The following CCL26 variants were observed in gnomAD, a reference collection of about 807,000 sequenced individuals.
CCL26 encodes C-C motif chemokine ligand 26, also known as C-C motif chemokine 26.
In CCL26, 10 loss-of-function variants were observed where a neutral mutation model predicts 10.7. The ratio of observed to expected loss-of-function variants is 0.93; its 90% confidence interval spans 0.57 to 1.58. The LOEUF (loss-of-function observed/expected upper bound fraction) is 1.58, where lower values mean the gene tolerates loss of function less well. CCL26 is among the 40% of genes most tolerant of loss of function. The probability of loss-of-function intolerance (pLI) is 0.00; values close to 1 mark genes in which losing one functional copy is unlikely to be tolerated. For missense variants in CCL26, 116 were observed against 111.0 expected, an observed-to-expected ratio of 1.05 and a Z score of -0.20; for synonymous variants, 43 against 41.4, an observed-to-expected ratio of 1.04 and a Z score of -0.15.
rs1802833637 is a variant in CCL26 at position 75,772,017 on chromosome 7, A to G, written c.74-14T>C. On this transcript the variant is annotated splice_polypyrimidine_tract_variant and intron_variant, in intron 1 of 2. Transcript: ENST00000005180. ...TGTCACTCCCACCTAAAAATCAGGG[A>G]GAGGAAGGGTTTGGAGATACTCATT... The G allele has an allele frequency of 1.2e-6, 2 of 1,610,074 alleles. No individual in the cohort carries two copies. The highest frequency in any genetic ancestry group is 1.7e-6 in the Non-Finnish European group (2 of 1,176,308).
At chr7:75,772,404 C>G, upstream of CCL26, 1 of 546,208 alleles carries the variant, frequency 1.8e-6, no homozygotes, top group Non-Finnish European at 3.3e-6. Flanking sequence ...TGCCTGTGAT[C>G]ACAGCACTCT....
intron 1 of CCL26, among the ~76,000 whole-genome samples, chr7:75,777,921 G>A (rs937710899): frequency 1.3e-5 from 2 of 150,940 alleles, no homozygotes; most frequent in African/African-American, 4.9e-5. Flanking sequence ...TTGCCACCAT[G>A]TTTGTCCAGG....
rs567202149 is a variant in CCL26, at chr7:75,788,028, C to T, written c.-79+1689G>A. 7.2e-5 allele frequency among the ~76,000 whole-genome samples: 11 copies of T among 152,180 alleles called. No homozygotes were observed. The South Asian group carries it at 1.7e-3, about 23-fold the overall frequency. On this transcript the variant is annotated intron_variant, in intron 1 of 3. Transcript: ENST00000394905. Reference sequence around the variant, plus strand: ...TCTCTCCCACTCTAGGTTCCCATGCCGCCCCTAATCCTTCTCGAAGCAGCC... The same window carrying T: ...TCTCTCCCACTCTAGGTTCCCATGCTGCCCCTAATCCTTCTCGAAGCAGCC...
At chr7:75,786,910 A>T (rs1370714652) in intron 1 of CCL26, among the ~76,000 whole-genome samples, 1 of 152,120 alleles carries the variant, frequency 6.6e-6, no homozygotes, top group African/African-American at 2.4e-5. Context: ...TTTCCTTTCC[A>T]TCATGGAAAT....
intron 1 of CCL26, among the ~76,000 whole-genome samples, chr7:75,787,680 A>ACC (rs1476938693): frequency 2.0e-5 from 2 of 100,788 alleles, no homozygotes; most frequent in Non-Finnish European, 2.0e-5. Context: ...AAAAAGACAC[A>ACC]CCCCCCAAGC....
chr7:75,775,814 T>C (rs1802924635), upstream of CCL26, among the ~76,000 whole-genome samples: 1 of 151,072 alleles, frequency 6.6e-6, no homozygotes, highest in South Asian at 2.1e-4. Flanking sequence ...TGATGTTCTC[T>C]TCTTTAGACT....
intron 1 of CCL26, among the ~76,000 whole-genome samples, chr7:75,780,209 C>A (rs1198055483): frequency 6.6e-6 from 1 of 151,570 alleles, no homozygotes; most frequent in Non-Finnish European, 1.5e-5. Context: ...GCACCTCCCA[C>A]CCCTTCTCCA....
chr7:75,785,372 T>C (rs1179768900), intron 1 of CCL26, among the ~76,000 whole-genome samples: 1 of 152,168 alleles, frequency 6.6e-6, no homozygotes, highest in African/African-American at 2.4e-5. Flanking sequence ...TCTCACCTTA[T>C]TCAATATATT....
At position 75,784,815 on chromosome 7, in the gene CCL26, A is replaced by C. The variant is rs183059415; in HGVS notation, c.-79+4902T>G. On this transcript the variant is annotated intron_variant, in intron 1 of 3. Coordinates refer to the CCL26 transcript ENST00000394905. ...CCCTTGTATCTCCCCACCTTAAACC[A>C]CAAGTATAGGACACCTCTACTCCCC... 7.0e-3 allele frequency among the ~76,000 whole-genome samples: 1,056 copies of C among 151,690 alleles called. 10 individuals carry two copies. Among genetic ancestry groups the C allele is most frequent in the African/African-American group, 0.024 (1,007 of 41,304 alleles).
upstream of CCL26, among the ~76,000 whole-genome samples, chr7:75,776,144 T>C (rs1457566996): frequency 2.0e-5 from 3 of 147,548 alleles, no homozygotes; most frequent in Non-Finnish European, 4.5e-5. Context: ...CAATCTCAGC[T>C]CACTGCAATC....
chr7:75,780,948 A>G (rs1803047349), intron 1 of CCL26, among the ~76,000 whole-genome samples: 1 of 152,082 alleles, frequency 6.6e-6, no homozygotes, highest in Non-Finnish European at 1.5e-5. Flanking sequence ...ATTTCCTCTT[A>G]AAAAGGTGGC....
intron 1 of CCL26, among the ~76,000 whole-genome samples, chr7:75,785,544 C>A (rs1309441607): frequency 2.6e-5 from 4 of 152,208 alleles, no homozygotes; most frequent in African/African-American, 9.7e-5. Flanking sequence ...TAAAAACACA[C>A]GTGCTCTCCC....
At chr7:75,779,795 C>A (rs1803019922) in intron 1 of CCL26, among the ~76,000 whole-genome samples, 1 of 152,220 alleles carries the variant, frequency 6.6e-6, no homozygotes, top group Non-Finnish European at 1.5e-5. Context: ...GGGACGCCTG[C>A]TTTGGCTGCT....
At chr7:75,771,846 A>T (rs782722314) in intron 2 of CCL26, 43 bp downstream of exon 2, 1 of 1,300,010 alleles carries the variant, frequency 7.7e-7, no homozygotes, top group South Asian at 1.2e-5. Context: ...ATCCTGTTGC[A>T]TGACTGATGG....
chr7:75,791,316 G>A (rs889041265), upstream of CCL26, among the ~76,000 whole-genome samples: 9 of 152,184 alleles, frequency 5.9e-5, no homozygotes, highest in South Asian at 1.0e-3. Context: ...GAGCCACCAC[G>A]CCTGGCTGAA....
At chr7:75,785,950 C>T (rs1394136470) in intron 1 of CCL26, among the ~76,000 whole-genome samples, 4 of 152,076 alleles carry the variant, frequency 2.6e-5, no homozygotes, top group South Asian at 2.1e-4. Flanking sequence ...CTCCATGCAG[C>T]GGCTGCTGCC....
chr7:75,770,801 G>A (rs1180346215), intron 2 of CCL26, among the ~76,000 whole-genome samples: 1 of 151,454 alleles, frequency 6.6e-6, no homozygotes, highest in African/African-American at 2.4e-5. Flanking sequence ...TCAGCCTCCG[G>A]AGTAACTGGG....
intron 1 of CCL26, among the ~76,000 whole-genome samples, chr7:75,780,167 C>G (rs1803030821): frequency 6.7e-6 from 1 of 149,860 alleles, no homozygotes; most frequent in African/African-American, 2.5e-5. Flanking sequence ...GCAAACACTT[C>G]CCACCCCTTT....
chr7:75,771,301 A>G (rs1212818436), intron 2 of CCL26, among the ~76,000 whole-genome samples: 4 of 152,168 alleles, frequency 2.6e-5, no homozygotes, highest in Non-Finnish European at 5.9e-5. Context: ...AATCAATTTT[A>G]GGATATTTTC....
Sources: allele counts gnomAD v4.1 joint callset (sites outside exome capture counted in the v4.1 genomes callset), GRCh38; gene constraint gnomAD v4.1.1; transcripts MANE v1.5; gene names NCBI Gene and HGNC (gene_info 2026-07-23, HGNC 2026-07-21).